SYT3: variants seen among roughly 807,000 people sequenced by gnomAD.
SYT3 encodes the protein synaptotagmin 3.
SYT3 carries 25 observed loss-of-function variants against 50.6 expected under a neutral mutation model. The ratio of observed to expected loss-of-function variants is 0.49; its 90% confidence interval spans 0.36 to 0.69. The LOEUF is 0.69. Among genes scored for constraint, SYT3 ranks in the 30% least tolerant of loss-of-function variants. The pLI, the probability that SYT3 is intolerant of heterozygous loss-of-function variation, is 0.00. For synonymous variants in SYT3, 323 were observed against 353.9 expected (o/e 0.91, Z 0.98); for missense variants, 589 against 793.6 (o/e 0.74, Z 3.10).
At chr19:50,649,540 G>C in the SYT3 span, 1 of 1,533,142 alleles carries the variant, frequency 6.5e-7, no homozygotes, top group African/African-American at 1.4e-5. Context: ...GGGGGAAGGG[G>C]TGGACTTCCT....
At position 50,625,748 on chromosome 19, in the gene SYT3, GGCCCCTGGCCCCTCCTCCCTC is replaced by G; in HGVS notation, c.1402+128_1402+148del. ...CTCCTCTCTCCGACCCAGGAGTCCAGGCCCCTGGCCCCTCCTCCCTCAGACCCAGGAGTCCAGATCCCCAGC... is the reference window on the plus strand; with the variant it reads ...CTCCTCTCTCCGACCCAGGAGTCCAGAGACCCAGGAGTCCAGATCCCCAGC... On this transcript the variant is annotated intron_variant, in intron 7 of 10. Transcript: ENST00000600079. This position sits in a 1 kb window ranked among gnomAD's most constrained non-coding sequence, Gnocchi z 7.5. 8 of 983,594 alleles carry G rather than the reference GGCCCCTGGCCCCTCCTCCCTC, an allele frequency of 8.1e-6. No homozygotes were observed. Among genetic ancestry groups the G allele is most frequent in the South Asian group, 1.6e-5 (1 of 61,286 alleles). The allele number at this position is 983,594 out of a possible 1,614,324, so 60.9% of individuals were successfully genotyped here. A position where few individuals can be genotyped will look rare whatever the true frequency, so the allele number is the denominator to read the frequency against.
upstream of SYT3, among the ~76,000 whole-genome samples, chr19:50,641,625 C>G (rs1984684954): frequency 6.6e-6 from 1 of 151,800 alleles, no homozygotes; most frequent in Admixed American, 6.6e-5. Flanking sequence ...GTGGGCGGAT[C>G]ACTTGAGCTC....
Position 50,622,368 on chromosome 19 carries a change from C to T in SYT3, c.*117G>A, listed in dbSNP as rs1983882452. The T allele has an allele frequency of 4.0e-6, 1 of 252,158 alleles. No individual in the cohort carries two copies. 15.6% of individuals were successfully genotyped at this position (252,158 alleles called of 1,614,324 possible). On this transcript the variant is annotated 3_prime_UTR_variant, in exon 11 of 11. Coordinates refer to ENST00000600079, the MANE Select transcript of SYT3 (RefSeq NM_001160329.2). ...AGGGTTAGGAAGCCTAGGGCCAGGG[C>T]TGCCCCGCACCAGCAGCTCGGACGT... is the stretch of plus-strand genomic sequence containing the variant.
At chr19:50,655,968 C>G in the SYT3 span, 3 of 1,342,018 alleles carry the variant, frequency 2.2e-6, no homozygotes, top group Non-Finnish European at 3.1e-6. Flanking sequence ...GTGGCATGGG[C>G]AAGCAATTGG....
intron 4 of SYT3, among the ~76,000 whole-genome samples, chr19:50,630,406 C>G (rs568909465): frequency 6.9e-6 from 1 of 145,742 alleles, no homozygotes; most frequent in Non-Finnish European, 1.5e-5. Context: ...CCCTCCCTCC[C>G]TTCTTTCCTT....
chr19:50,626,469 C>T (rs1984066084), intron 6 of SYT3, among the ~76,000 whole-genome samples: 1 of 137,080 alleles, frequency 7.3e-6, no homozygotes, highest in Non-Finnish European at 1.6e-5. Flanking sequence ...AGACAGAGAC[C>T]CAGAGAGAGA....
At position 50,625,952 on chromosome 19, in the gene SYT3, G is replaced by A. The variant is rs1473545206; in HGVS notation, c.1347C>T (p.Thr449=). 12 of 1,614,156 alleles carry A rather than the reference G, an allele frequency of 7.4e-6. No homozygotes were observed. Among genetic ancestry groups the A allele is most frequent in the African/African-American group, 5.3e-5 (4 of 75,050 alleles). ...GGTTAGAGGCTTTGATGATGGTCAC[G>A]GTGAGGCGCCCGGCCGTGGGGAGGT... ...LCYLPTAGRL[T]VTIIKASNLK... is the part of the protein sequence containing the mutation. The change falls in exon 7 of 11, where the codon ACC becomes ACT. Residue 449 remains threonine, a synonymous_variant. Transcript: ENST00000600079. This position sits in a 1 kb window ranked among gnomAD's most constrained non-coding sequence, Gnocchi z 7.5.
At chr19:50,642,500 C>T (rs963159436), upstream of SYT3, among the ~76,000 whole-genome samples, 8 of 152,360 alleles carry the variant, frequency 5.3e-5, no homozygotes, top group Non-Finnish European at 1.0e-4. Flanking sequence ...CTCCATGCCT[C>T]AGTTTCCCTC....
At chr19:50,647,504 G>A in the SYT3 span, among the ~76,000 whole-genome samples, 4 of 151,856 alleles carry the variant, frequency 2.6e-5, no homozygotes, top group African/African-American at 7.2e-5. Flanking sequence ...TGGGCAACAC[G>A]GTGAGACTCC....
chr19:50,656,778 C>T, the SYT3 span, among the ~76,000 whole-genome samples: 1 of 151,934 alleles, frequency 6.6e-6, no homozygotes, highest in Non-Finnish European at 1.5e-5. Flanking sequence ...ATGGTGAAAC[C>T]CCGTCTCTAT....
At chr19:50,642,672 A>G (rs1357553895), upstream of SYT3, among the ~76,000 whole-genome samples, 2 of 152,140 alleles carry the variant, frequency 1.3e-5, no homozygotes, top group Admixed American at 6.5e-5. Context: ...CGTCTCTACT[A>G]AAAATACAAA....
intron 6 of SYT3, among the ~76,000 whole-genome samples, chr19:50,626,823 G>A (rs1984088068): frequency 6.6e-6 from 1 of 151,744 alleles, no homozygotes; most frequent in East Asian, 1.9e-4. Context: ...GAGGGACAGA[G>A]ACAGTGGGTT....
Position 50,625,771 on chromosome 19 carries a change from GACCC to G in SYT3, c.1402+122_1402+125del. On this transcript the variant is annotated intron_variant, in intron 7 of 10. Transcript: ENST00000600079. The surrounding 1 kb of genome is among the most constrained non-coding windows in gnomAD (Gnocchi z 7.5). ...CAGGCCCCTGGCCCCTCCTCCCTCAGACCCAGGAGTCCAGATCCCCAGCTCCTCC... is the reference window on the plus strand; with the variant it reads ...CAGGCCCCTGGCCCCTCCTCCCTCAGAGGAGTCCAGATCCCCAGCTCCTCC... 1 of 684,604 alleles carries G rather than the reference GACCC, an allele frequency of 1.5e-6. No individual in the cohort carries two copies. Among genetic ancestry groups the G allele is most frequent in the Admixed American group, 3.2e-5 (1 of 31,304 alleles). The allele number at this position is 684,604 out of a possible 1,614,324, so 42.4% of individuals were successfully genotyped here. A position where few individuals can be genotyped will look rare whatever the true frequency, so the allele number is the denominator to read the frequency against.
At chr19:50,633,863 T>C (rs1984406538) in intron 3 of SYT3, among the ~76,000 whole-genome samples, 2 of 152,194 alleles carry the variant, frequency 1.3e-5, no homozygotes, top group South Asian at 4.1e-4. Context: ...TCAAAGTCCA[T>C]AGCTGGTAGG....
chr19:50,625,698 G>A lies in SYT3; in HGVS notation c.1403-134C>T. Reference sequence around the variant, plus strand: ...CAGGCCCCCAGTCCCTCCTTCCTCAGGCCCAAGAGTCCAGACCCCAGGTCC... The same window carrying A: ...CAGGCCCCCAGTCCCTCCTTCCTCAAGCCCAAGAGTCCAGACCCCAGGTCC... On this transcript the variant is annotated intron_variant, in intron 7 of 10. Coordinates refer to ENST00000600079, the MANE Select transcript of SYT3 (RefSeq NM_001160329.2). This position sits in a 1 kb window ranked among gnomAD's most constrained non-coding sequence, Gnocchi z 7.5. The A allele has an allele frequency of 7.1e-7, 1 of 1,401,396 alleles. No homozygotes were observed. Among genetic ancestry groups the A allele is most frequent in the Non-Finnish European group, 9.5e-7 (1 of 1,047,814 alleles). The allele number at this position is 1,401,396 out of a possible 1,614,324, so 86.8% of individuals were successfully genotyped here. A position where few individuals can be genotyped will look rare whatever the true frequency, so the allele number is the denominator to read the frequency against.
rs969090714 is a variant in SYT3 at position 50,629,290 on chromosome 19, T to C, written c.1281+4A>G. The C allele has an allele frequency of 5.1e-5, 81 of 1,590,168 alleles. No individual in the cohort carries two copies. Among genetic ancestry groups the C allele is most frequent in the Non-Finnish European group, 6.9e-5 (80 of 1,164,958 alleles). ...GGGGAAGGTCAGGGGAGAGGGCCAC[T>C]GACCGAGCCGCCCTCCACGATGTCC... is the stretch of plus-strand genomic sequence containing the variant. On this transcript the variant is annotated splice_donor_region_variant and intron_variant, in intron 6 of 10. Coordinates refer to ENST00000600079, the MANE Select transcript of SYT3 (RefSeq NM_001160329.2).
upstream of SYT3, among the ~76,000 whole-genome samples, chr19:50,644,219 G>T (rs757358194): frequency 6.6e-6 from 1 of 152,260 alleles, no homozygotes; most frequent in African/African-American, 2.4e-5. Context: ...AATCTATGAT[G>T]TATTGATGGA....
At chr19:50,656,217 T>C in the SYT3 span, 1 of 1,536,018 alleles carries the variant, frequency 6.5e-7, no homozygotes, top group Non-Finnish European at 8.7e-7. Context: ...CTGTTCGCTC[T>C]CTCCCTAGAA....
In SYT3 at chr19:50,625,315, G is replaced by A. The variant is rs1344016001; in HGVS notation, c.1575-21C>T. 9 of 1,532,400 alleles carry A rather than the reference G, an allele frequency of 5.9e-6. No individual in the cohort carries two copies. In the East Asian group the frequency reaches 2.0e-4, roughly 33 times the overall value. The allele number at this position is 1,532,400 out of a possible 1,614,324, so 94.9% of individuals were successfully genotyped here. A position where few individuals can be genotyped will look rare whatever the true frequency, so the allele number is the denominator to read the frequency against. On this transcript the variant is annotated intron_variant, in intron 8 of 10. Transcript: ENST00000600079. The surrounding 1 kb of genome is among the most constrained non-coding windows in gnomAD (Gnocchi z 7.5). ...CGATGCTGGGGGTTGGGGTCAGTGA[G>A]GACCGTGGAGGGTGGTGGGAGGGCC...
Sources: gnomAD v4.1 joint callset for allele counts (sites outside exome capture counted in the v4.1 genomes callset) on GRCh38, gnomAD v4.1.1 for gene constraint, Gnocchi (gnomAD v3.1) non-coding constraint, MANE v1.5 for transcripts, NCBI Gene and HGNC (gene_info 2026-07-23, HGNC 2026-07-21) for gene names.